The following GSG1L variants were observed in gnomAD, a reference collection of about 807,000 sequenced individuals.
GSG1L encodes germ cell-specific gene 1-like protein.
Under a neutral mutation model 42.1 loss-of-function variants are expected in GSG1L, and 24 were observed. The ratio of observed to expected loss-of-function variants is 0.57; its 90% CI spans 0.41 to 0.80. The LOEUF (loss-of-function observed/expected upper bound fraction) is 0.80, where lower values mean the gene tolerates loss of function less well. GSG1L is among the 30% of genes least tolerant of loss of function. GSG1L has a pLI of 0.00. For synonymous variants in GSG1L, 215 were observed against 203.5 expected (o/e 1.06, Z -0.48); for missense variants, 445 against 472.2 (o/e 0.94, Z 0.53).
intron 1 of GSG1L, among the ~76,000 whole-genome samples, chr16:28,061,073 T>C (rs1329112631): frequency 6.6e-6 from 1 of 152,054 alleles, no homozygotes; most frequent in Non-Finnish European, 1.5e-5. Flanking sequence ...AGATGCCTCA[T>C]TGTATTTTCA....
At chr16:27,982,991 GC>G (rs1273963509) in intron 1 of GSG1L, among the ~76,000 whole-genome samples, 1 of 152,072 alleles carries the variant, frequency 6.6e-6, no homozygotes, top group Non-Finnish European at 1.5e-5. Flanking sequence ...GAGTAGAACT[GC>G]CATCCACCAG....
intron 6 of GSG1L, among the ~76,000 whole-genome samples, chr16:27,792,371 T>G (rs1398451421): frequency 6.6e-6 from 1 of 152,188 alleles, no homozygotes; most frequent in African/African-American, 2.4e-5. Flanking sequence ...CCACACTTAG[T>G]GGACTGGACA....
intron 2 of GSG1L, among the ~76,000 whole-genome samples, chr16:27,915,174 G>A (rs1244195785): frequency 1.4e-5 from 2 of 147,428 alleles, no homozygotes; most frequent in Non-Finnish European, 3.0e-5. Flanking sequence ...GGGAGCAGAG[G>A]TGTCTCTTCC....
intron 2 of GSG1L, among the ~76,000 whole-genome samples, chr16:27,904,283 T>C (rs2084294818): frequency 6.6e-6 from 1 of 152,108 alleles, no homozygotes. Context: ...TTGTCCAAGC[T>C]GGTCTTAAAC....
chr16:27,988,998 A>C (rs1169222655), intron 1 of GSG1L, among the ~76,000 whole-genome samples: 1 of 148,696 alleles, frequency 6.7e-6, no homozygotes, highest in African/African-American at 2.5e-5. Context: ...TGTTGCAGTG[A>C]GCCGAGATTG....
intron 1 of GSG1L, among the ~76,000 whole-genome samples, chr16:28,005,455 G>T (rs528565496): frequency 1.3e-5 from 2 of 152,144 alleles, no homozygotes; most frequent in African/African-American, 4.8e-5. Flanking sequence ...TCCCTGTAAG[G>T]GTTTGTATTT....
rs142491828 is a variant in GSG1L, at chr16:27,977,541, C to T, written c.350-14338G>A. 4.5e-3 allele frequency among the ~76,000 whole-genome samples: 521 copies of T among 116,080 alleles called. 4 individuals carry two copies. The highest frequency in any genetic ancestry group is 0.017 in the African/African-American group (495 of 28,988). The allele number at this position is 116,080 out of a possible 152,430, so 76.2% of individuals were successfully genotyped here. The stretch of plus-strand genomic sequence containing the variant: ...TGCCACTGCACTCCAGCCTGGGCTA[C>T]GGAGTGACACCCTGCCTCAAAAAAA... On this transcript the variant is annotated intron_variant, in intron 1 of 6. Transcript: ENST00000447459.
At chr16:28,026,844 G>A (rs541955730) in intron 1 of GSG1L, among the ~76,000 whole-genome samples, 21 of 152,326 alleles carry the variant, frequency 1.4e-4, no homozygotes, top group African/African-American at 4.1e-4. Flanking sequence ...CACTTTGGGA[G>A]GCTGAGGTGG....
At chr16:27,810,573 C>T (rs2083019945) in intron 5 of GSG1L, among the ~76,000 whole-genome samples, 1 of 152,174 alleles carries the variant, frequency 6.6e-6, no homozygotes, top group Non-Finnish European at 1.5e-5. Context: ...ACTTTTTCTG[C>T]TTATAAGGAT....
chr16:27,806,680 T>C (rs2082966939), intron 6 of GSG1L, among the ~76,000 whole-genome samples: 1 of 152,164 alleles, frequency 6.6e-6, no homozygotes, highest in South Asian at 2.1e-4. Context: ...CAGATACAGA[T>C]AGATGCCACT....
intron 4 of GSG1L, among the ~76,000 whole-genome samples, chr16:27,841,955 C>A (rs1197769849): frequency 6.6e-6 from 1 of 152,226 alleles, no homozygotes; most frequent in Non-Finnish European, 1.5e-5. Flanking sequence ...GCAAGTGATT[C>A]AAACTTTCTG....
chr16:27,893,073 A>C (rs137898850), intron 2 of GSG1L, among the ~76,000 whole-genome samples: 11 of 152,202 alleles, frequency 7.2e-5, no homozygotes, highest in Non-Finnish European at 1.3e-4. Flanking sequence ...GGTGGGGATG[A>C]TTGTCCCAAG....
intron 1 of GSG1L, among the ~76,000 whole-genome samples, chr16:27,978,190 CT>C (rs2085272551): frequency 6.6e-6 from 1 of 152,200 alleles, no homozygotes; most frequent in African/African-American, 2.4e-5. Context: ...CGGGTCACAG[CT>C]GCCTCACTCT....
intron 1 of GSG1L, among the ~76,000 whole-genome samples, chr16:28,013,648 A>T (rs1013152217): frequency 2.6e-5 from 4 of 152,176 alleles, no homozygotes; most frequent in Non-Finnish European, 5.9e-5. Context: ...GCGAAGATGG[A>T]CCAGCCCTGG....
chr16:28,029,463 T>C (rs1457240372), intron 1 of GSG1L, among the ~76,000 whole-genome samples: 3 of 152,158 alleles, frequency 2.0e-5, no homozygotes, highest in African/African-American at 7.2e-5. Flanking sequence ...GCAATATTTG[T>C]TAGATGGATG....
At chr16:27,973,763 T>C (rs970494573) in intron 1 of GSG1L, among the ~76,000 whole-genome samples, 2 of 152,242 alleles carry the variant, frequency 1.3e-5, no homozygotes, top group East Asian at 3.9e-4. Context: ...TCACCAACGC[T>C]GGTGTTTCTA....
At chr16:28,057,459 G>T (rs1163440666) in intron 1 of GSG1L, among the ~76,000 whole-genome samples, 1 of 152,170 alleles carries the variant, frequency 6.6e-6, no homozygotes, top group Non-Finnish European at 1.5e-5. Flanking sequence ...ATTCCCCCAA[G>T]GGGCAGCTCC....
At chr16:27,857,801 C>G (rs911921403) in intron 3 of GSG1L, among the ~76,000 whole-genome samples, 2 of 151,988 alleles carry the variant, frequency 1.3e-5, no homozygotes, top group African/African-American at 2.4e-5. Flanking sequence ...CTCTCCAAGA[C>G]GTCCAGTTAA....
intron 3 of GSG1L, among the ~76,000 whole-genome samples, chr16:27,868,996 G>C (rs922726385): frequency 6.6e-6 from 1 of 152,144 alleles, no homozygotes; most frequent in Non-Finnish European, 1.5e-5. Context: ...GGGTTGGAAG[G>C]CCAGCATGTG....
Sources: allele counts gnomAD v4.1 joint callset (sites outside exome capture counted in the v4.1 genomes callset), GRCh38; gene constraint gnomAD v4.1.1; transcripts MANE v1.5; gene names NCBI Gene and HGNC (gene_info 2026-07-23, HGNC 2026-07-21).